The following CTNND2 variants were observed in gnomAD, a reference collection of about 807,000 sequenced individuals.
CTNND2 encodes catenin delta 2.
A neutral mutation model predicts 144.4 loss-of-function variants in CTNND2; 22 were observed. That is an observed-to-expected ratio of 0.15 (90% CI 0.11 to 0.22). The LOEUF (loss-of-function observed/expected upper bound fraction) is 0.22. Ranked by LOEUF, CTNND2 falls within the 10% of genes least tolerant of loss-of-function variation. The pLI is 1.00. For missense variants in CTNND2, 1,353 were observed against 1,618.8 expected (o/e 0.84, Z 2.82); for synonymous variants, 751 against 695.6 (o/e 1.08, Z -1.25).
intron 21 of CTNND2, among the ~76,000 whole-genome samples, chr5:10,978,498 G>C (rs61752682): frequency 0.018 from 2,402 of 134,198 alleles, 28 homozygotes; most frequent in Non-Finnish European, 0.023. Flanking sequence ...TACTTTTTGG[G>C]GAGGGGGGGG....
chr5:11,655,151 G>A (rs1015094931), intron 2 of CTNND2, among the ~76,000 whole-genome samples: 1 of 151,820 alleles, frequency 6.6e-6, no homozygotes. Context: ...AGAATGTTTT[G>A]ATTAGCACTT....
chr5:11,090,400 C>A (rs568631733), intron 15 of CTNND2, among the ~76,000 whole-genome samples: 1 of 152,350 alleles, frequency 6.6e-6, no homozygotes, highest in South Asian at 2.1e-4. Context: ...GGCCCCAACC[C>A]CCGGGCCGCA....
chr5:11,098,719 A>G lies in CTNND2; in HGVS notation c.2493T>C (p.Cys831=). The G allele has an allele frequency of 6.2e-7, 1 of 1,614,192 alleles. No individual in the cohort carries two copies. Among genetic ancestry groups the G allele is most frequent in the Non-Finnish European group, 8.5e-7 (1 of 1,180,022 alleles). ...QWDGVGPLPD[C]AEPPKGIQML... is the part of the protein sequence containing the mutation. ...TCTGGATCCCTTTTGGTGGTTCAGC[A>G]CAGTCTGGAAGAGGTCCTACTCCAT... The change falls in exon 15 of 22, where the codon TGT becomes TGC. Residue 831 remains cysteine, a synonymous_variant. Coordinates refer to ENST00000304623, the MANE Select transcript of CTNND2 (RefSeq NM_001332.4).
At chr5:11,208,990 C>A (rs1440283193) in intron 10 of CTNND2, among the ~76,000 whole-genome samples, 1 of 152,002 alleles carries the variant, frequency 6.6e-6, no homozygotes, top group Non-Finnish European at 1.5e-5. Flanking sequence ...TGAATAAATT[C>A]TTTACCAAAG....
intron 9 of CTNND2, among the ~76,000 whole-genome samples, chr5:11,268,892 G>T (rs1745724646): frequency 6.6e-6 from 1 of 152,174 alleles, no homozygotes; most frequent in Non-Finnish European, 1.5e-5. Context: ...CTCTGCCACT[G>T]TTGCAAAGGT....
intron 9 of CTNND2, among the ~76,000 whole-genome samples, chr5:11,330,782 C>CAA (rs70949317): frequency 7.2e-6 from 1 of 139,536 alleles, no homozygotes; most frequent in Non-Finnish European, 1.6e-5. Context: ...AACTCTGTAT[C>CAA]AAAAAAAAAA....
At chr5:11,181,555 A>G (rs1269022540) in intron 11 of CTNND2, among the ~76,000 whole-genome samples, 1 of 152,146 alleles carries the variant, frequency 6.6e-6, no homozygotes, top group South Asian at 2.1e-4. Flanking sequence ...TACACAAAGA[A>G]GTCGGGGATA....
intron 9 of CTNND2, among the ~76,000 whole-genome samples, chr5:11,315,592 C>T (rs1449353369): frequency 6.6e-6 from 1 of 152,076 alleles, no homozygotes; most frequent in Non-Finnish European, 1.5e-5. Context: ...ACTGAGGGAT[C>T]AATTTGGTTT....
intron 1 of CTNND2, among the ~76,000 whole-genome samples, chr5:11,890,760 T>C (rs541434512): frequency 1.3e-5 from 2 of 152,158 alleles, no homozygotes; most frequent in Non-Finnish European, 1.5e-5. Context: ...TCATATGTTA[T>C]GAAAAAGATA....
intron 1 of CTNND2, among the ~76,000 whole-genome samples, chr5:11,785,638 C>T (rs781189150): frequency 8.8e-5 from 12 of 136,584 alleles, no homozygotes; most frequent in Non-Finnish European, 1.8e-4. Context: ...GTATCCCAAA[C>T]TCGCAGGTTA....
intron 2 of CTNND2, among the ~76,000 whole-genome samples, chr5:11,709,580 C>T (rs1785907034): frequency 6.6e-6 from 1 of 152,028 alleles, no homozygotes; most frequent in Non-Finnish European, 1.5e-5. Flanking sequence ...TTTTTTTCTG[C>T]TTGCTAAGAA....
chr5:11,538,382 G>A (rs1402437275), intron 3 of CTNND2, among the ~76,000 whole-genome samples: 1 of 152,178 alleles, frequency 6.6e-6, no homozygotes, highest in Non-Finnish European at 1.5e-5. Context: ...AAGCATGGCT[G>A]TAACCTGAAT....
chr5:11,338,068 G>A (rs1283623296), intron 9 of CTNND2, among the ~76,000 whole-genome samples: 1 of 152,168 alleles, frequency 6.6e-6, no homozygotes, highest in Non-Finnish European at 1.5e-5. Flanking sequence ...AAGTGACCCA[G>A]GACATCTTAG....
intron 12 of CTNND2, among the ~76,000 whole-genome samples, chr5:11,133,194 A>G (rs1389191903): frequency 2.0e-5 from 3 of 152,208 alleles, no homozygotes; most frequent in African/African-American, 7.2e-5. Context: ...GAAAAAATAT[A>G]CAGAAAACAG....
intron 20 of CTNND2, among the ~76,000 whole-genome samples, chr5:10,982,124 T>G (rs1187363108): frequency 6.6e-6 from 1 of 152,216 alleles, no homozygotes; most frequent in Non-Finnish European, 1.5e-5. Context: ...ATGGTCATTT[T>G]GTAAGTTTTA....
intron 18 of CTNND2, among the ~76,000 whole-genome samples, chr5:11,001,066 T>C (rs1004208578): frequency 1.2e-4 from 19 of 152,146 alleles, no homozygotes; most frequent in African/African-American, 4.3e-4. Context: ...CAGGTCAAAA[T>C]CTCAGGCCAG....
At chr5:11,572,355 G>A (rs1196938626) in intron 2 of CTNND2, among the ~76,000 whole-genome samples, 2 of 152,126 alleles carry the variant, frequency 1.3e-5, no homozygotes, top group African/African-American at 4.8e-5. Context: ...TTCCTGCTGT[G>A]TCCTCTATTT....
rs559601684 is a variant in CTNND2 at position 11,287,644 on chromosome 5, C to G, written c.1629-50821G>C. 6.6e-5 allele frequency among the ~76,000 whole-genome samples: 10 copies of G among 152,290 alleles called. No homozygotes were observed. The South Asian group carries it at 2.1e-3, about 32-fold the overall frequency. ...ATATGCAGGAATAACAGTCCATATA[C>G]GACCTTTACAGTACTATAAAGGGAT... On this transcript the variant is annotated intron_variant, in intron 9 of 21. Coordinates refer to ENST00000304623, the MANE Select transcript of CTNND2 (RefSeq NM_001332.4).
At chr5:11,245,487 C>T (rs374329281) in intron 9 of CTNND2, among the ~76,000 whole-genome samples, 3 of 152,064 alleles carry the variant, frequency 2.0e-5, no homozygotes, top group Non-Finnish European at 4.4e-5. Context: ...CACTGACGCA[C>T]GAGGCCATGC....
Sources: gnomAD v4.1 joint callset for allele counts (sites outside exome capture counted in the v4.1 genomes callset) on GRCh38, gnomAD v4.1.1 for gene constraint, MANE v1.5 for transcripts, NCBI Gene and HGNC (gene_info 2026-07-23, HGNC 2026-07-21) for gene names.